Variants in PKHD1L1 observed in about 807,000 individuals in gnomAD.
PKHD1L1 encodes fibrocystin-L.
Under a neutral mutation model 462.9 loss-of-function variants are expected in PKHD1L1, and 434 were observed. The ratio of observed to expected loss-of-function variants is 0.94; its 90% CI spans 0.87 to 1.02. PKHD1L1 has a LOEUF of 1.02. Among genes scored for constraint, PKHD1L1 ranks in the 50% least tolerant of loss-of-function variants. PKHD1L1 has a pLI of 0.00. For missense variants in PKHD1L1, 5,202 were observed against 5,096.1 expected (o/e 1.02, Z -0.63); for synonymous variants, 1,781 against 1,750.0 (o/e 1.02, Z -0.44).
At chr8:109,452,384 T>C (rs1816576629) in intron 42 of PKHD1L1, 104 bp downstream of exon 42, 1 of 1,082,002 alleles carries the variant, frequency 9.2e-7, no homozygotes, top group Non-Finnish European at 1.2e-6. Context: ...TCCAAAAAAA[T>C]AACTGAGCTG....
rs188642739 is a variant in PKHD1L1 at position 109,435,831 on chromosome 8, C to T, written c.3505+477C>T. Among the ~76,000 whole-genome samples, 40 of 152,000 alleles carry T rather than the reference C, an allele frequency of 2.6e-4. 1 individual carries two copies. Among genetic ancestry groups the T allele is most frequent in the African/African-American group, 7.2e-4 (30 of 41,474 alleles). ...ACATTTGTTTGTTTTTTTTACCAGG[C>T]GTAGTTTAGGGTTTTGTGCTTTGAT... On this transcript the variant is annotated intron_variant, in intron 29 of 77. Transcript: ENST00000378402.
At chr8:109,390,834 A>T (rs917540504) in intron 9 of PKHD1L1, among the ~76,000 whole-genome samples, 20 of 151,352 alleles carry the variant, frequency 1.3e-4, no homozygotes, top group Admixed American at 4.6e-4. Context: ...ATGGAAGAAT[A>T]AAAAAAACCT....
intron 23 of PKHD1L1, among the ~76,000 whole-genome samples, chr8:109,423,585 A>T (rs1222687198): frequency 6.6e-6 from 1 of 152,086 alleles, no homozygotes; most frequent in African/African-American, 2.4e-5. Context: ...TTCTTGTGCA[A>T]AATTGTTTTA....
chr8:109,411,006 C>A (rs1421423203), intron 19 of PKHD1L1, among the ~76,000 whole-genome samples: 1 of 151,880 alleles, frequency 6.6e-6, no homozygotes. Flanking sequence ...GGATTACAGA[C>A]TTGAGCCACC....
At chr8:109,480,604 T>G (rs975243927) in intron 55 of PKHD1L1, 5 of 455,436 alleles carry the variant, frequency 1.1e-5, no homozygotes, top group Non-Finnish European at 2.2e-5. Flanking sequence ...ATCCCCACAT[T>G]CCTTGTAAAC....
At chr8:109,521,249 G>C (rs1563636064) in intron 73 of PKHD1L1, among the ~76,000 whole-genome samples, 1 of 152,142 alleles carries the variant, frequency 6.6e-6, no homozygotes. Flanking sequence ...AACTTTAATA[G>C]AAGAAACTCA....
chr8:109,486,754 G>C lies in PKHD1L1; in HGVS notation c.9813G>C (p.Trp3271Cys), dbSNP rs1818549609. The stretch of plus-strand genomic sequence containing the variant: ...TAGTTGGTGAAGATTACCCCGGTTG[G>C]TCTGAGGACTCTTTTGGAGCACGCG... ...IKIVGEDYPG[W>C]SEDSFGARVL... Residue 3271 changes from tryptophan (W) to cysteine (C), a missense_variant, in exon 59 of 78, where the codon TGG (tryptophan) becomes TGC (cysteine). Coordinates refer to ENST00000378402, the MANE Select transcript of PKHD1L1 (RefSeq NM_177531.6). The C allele has an allele frequency of 1.2e-6, 2 of 1,612,504 alleles. No individual in the cohort carries two copies. The highest frequency in any genetic ancestry group is 4.5e-5 in the East Asian group (2 of 44,820).
intron 34 of PKHD1L1, 142 bp downstream of exon 34, chr8:109,441,521 CATAGAGGGTCACAT>C (rs781753109): frequency 8.6e-4 from 530 of 615,116 alleles, no homozygotes; most frequent in Admixed American, 1.3e-3. Context: ...AACTGCTTGA[CATAGAGGGTCACAT>C]ATAGAGCAAA....
At position 109,465,119 on chromosome 8, in the gene PKHD1L1, T is replaced by C; in HGVS notation, c.8287T>C (p.Cys2763Arg). 1.9e-6 allele frequency: 3 copies of C among 1,613,814 alleles called. No individual in the cohort carries two copies. The highest frequency in any genetic ancestry group is 8.5e-7 in the Non-Finnish European group (1 of 1,179,776). Residue 2763 changes from cysteine (C) to arginine (R), a missense_variant, in exon 49 of 78, where the codon TGT becomes CGT. Coordinates refer to ENST00000378402, the MANE Select transcript of PKHD1L1 (RefSeq NM_177531.6). The stretch of plus-strand genomic sequence containing the variant: ...GGGAGTGACATCCATCTCTGGAGTT[T>C]GTAATGACAGATGTGGGGGTTGGAG... ...ALGVTSISGVCNDRCGGWSAK... is the reference protein window; with the variant it reads ...ALGVTSISGVRNDRCGGWSAK...
rs988702259 is a variant in PKHD1L1 at position 109,382,963 on chromosome 8, T to C, written c.417+392T>C. 2.0e-5 allele frequency among the ~76,000 whole-genome samples: 3 copies of C among 147,910 alleles called. No homozygotes were observed. The Admixed American group carries it at 2.1e-4, about 10-fold the overall frequency. On this transcript the variant is annotated intron_variant, in intron 4 of 77. Transcript: ENST00000378402. ...TGCCTGCATGTGGTGTAAGAGCCAC[T>C]CAAAATTTAGCTGCCCTAAATAGAA...
intron 59 of PKHD1L1, among the ~76,000 whole-genome samples, chr8:109,487,888 GAGAGGAAGGAAGGAAGGA>G (rs1437564283): frequency 9.2e-5 from 13 of 140,584 alleles, no homozygotes; most frequent in Admixed American, 7.4e-4. Flanking sequence ...GAGAGAGAGA[GAGAGGAAGGAAGGAAGGA>G]AGGAAGGAAG....
rs568253755 is a variant in PKHD1L1 at position 109,533,417 on chromosome 8, G to C, written c.*3327G>C. Among the ~76,000 whole-genome samples the C allele has an allele frequency of 1.3e-5, 2 of 152,262 alleles. No individual in the cohort carries two copies. Among genetic ancestry groups the C allele is most frequent in the South Asian group, 2.1e-4 (1 of 4,824 alleles). On this transcript the variant is annotated 3_prime_UTR_variant, in exon 78 of 78. Transcript: ENST00000378402. ...AATCCCTGGCCCAGTAAACCATTAG[G>C]CTTCTTATTACACTGGAACAGTGCC... is the stretch of plus-strand genomic sequence containing the variant.
chr8:109,390,340 A>G, intron 8 of PKHD1L1, 112 bp from the exon 9 acceptor site: 1 of 524,270 alleles, frequency 1.9e-6, no homozygotes, highest in Non-Finnish European at 3.1e-6. Context: ...TTGGATAAAT[A>G]CAATTTTGAT....
chr8:109,478,645 A>G (rs1309848936), intron 53 of PKHD1L1, among the ~76,000 whole-genome samples: 1 of 152,072 alleles, frequency 6.6e-6, no homozygotes, highest in Admixed American at 6.6e-5. Context: ...ATGTCAAACA[A>G]TGGAGAGAGA....
intron 22 of PKHD1L1, 95 bp downstream of exon 22, chr8:109,419,355 T>A: frequency 1.1e-6 from 1 of 932,290 alleles, no homozygotes; most frequent in Non-Finnish European, 1.5e-6. Flanking sequence ...ATAGAAACAT[T>A]AATATCTAAA....
At chr8:109,442,664 A>T (rs1687845722) in intron 35 of PKHD1L1, among the ~76,000 whole-genome samples, 1 of 152,086 alleles carries the variant, frequency 6.6e-6, no homozygotes, top group African/African-American at 2.4e-5. Context: ...CTTTCATTTC[A>T]TGTTGAATTT....
chr8:109,442,167 C>G lies in PKHD1L1; in HGVS notation c.4365C>G (p.Phe1455Leu). 1.2e-6 allele frequency: 2 copies of G among 1,612,286 alleles called. No homozygotes were observed. The highest frequency in any genetic ancestry group is 1.7e-6 in the Non-Finnish European group (2 of 1,179,186). ...PGSVIYDGKG[F>L]TSGRQKSTSG... Reference sequence around the variant, plus strand: ...GTGTAATTTATGATGGCAAAGGATTCACAAGTGGAAGACAAAAATCTACAT... The same window carrying G: ...GTGTAATTTATGATGGCAAAGGATTGACAAGTGGAAGACAAAAATCTACAT... Residue 1455 changes from phenylalanine to leucine, a missense_variant, in exon 35 of 78, where the codon TTC (phenylalanine) becomes TTG (leucine). Phe to Leu is a conservative substitution (Grantham distance 22). Transcript: ENST00000378402.
In PKHD1L1 at chr8:109,445,232, T is replaced by C. The variant is rs1816063450; in HGVS notation, c.5363T>C (p.Phe1788Ser). Reference protein sequence around the residue: ...DIAVFIGNQQFRAIEVNENNI... With the variant: ...DIAVFIGNQQSRAIEVNENNI... Reference sequence around the variant, plus strand: ...GCTGTTTTCATTGGAAATCAACAGTTCAGAGCAATAGAGGTTAATGAAAAC... The same window carrying C: ...GCTGTTTTCATTGGAAATCAACAGTCCAGAGCAATAGAGGTTAATGAAAAC... Residue 1788 changes from phenylalanine (F) to serine (S), a missense_variant, in exon 38 of 78, where the codon TTC (phenylalanine) becomes TCC (serine). By Grantham distance (155) the Phe-to-Ser change is radical. Coordinates refer to ENST00000378402, the MANE Select transcript of PKHD1L1 (RefSeq NM_177531.6). 1 of 1,613,880 alleles carries C rather than the reference T, an allele frequency of 6.2e-7. No homozygotes were observed. The highest frequency in any genetic ancestry group is 1.7e-5 in the Admixed American group (1 of 60,004).
chr8:109,529,528 AACC>A (rs1374982723), intron 77 of PKHD1L1, among the ~76,000 whole-genome samples: 2 of 152,136 alleles, frequency 1.3e-5, no homozygotes, highest in Non-Finnish European at 2.9e-5. Flanking sequence ...TAAGTGCAAA[AACC>A]TTTATAGACT....
Sources: allele counts gnomAD v4.1 joint callset (sites outside exome capture counted in the v4.1 genomes callset), GRCh38; gene constraint gnomAD v4.1.1; transcripts MANE v1.5; gene names NCBI Gene and HGNC (gene_info 2026-07-23, HGNC 2026-07-21).